The following PCDHGA8 variants were observed in gnomAD, a reference collection of about 807,000 sequenced individuals.
PCDHGA8 encodes protocadherin gamma subfamily A, 8.
A neutral mutation model predicts 59.2 loss-of-function variants in PCDHGA8; 45 were observed. That is an observed-to-expected ratio of 0.76 (90% CI 0.60 to 0.98). The LOEUF is 0.98. Among genes scored for constraint, PCDHGA8 ranks in the 50% least tolerant of loss-of-function variants. PCDHGA8 has a pLI of 0.00. For missense variants in PCDHGA8, 1,257 were observed against 1,196.2 expected (o/e 1.05, Z -0.75); for synonymous variants, 531 against 519.0 (o/e 1.02, Z -0.32).
rs967436443 is a variant in PCDHGA8 at position 141,400,001 on chromosome 5, C to G, written c.2424+4764C>G. On this transcript the variant is annotated intron_variant, in intron 1 of 3. Transcript: ENST00000398604. ...CTGCGCACAGGAGAGGTGCGCACAG[C>G]GCGTGCCTTGGGCGACAGGGACGCG... 5.0e-6 allele frequency: 8 copies of G among 1,612,262 alleles called. No individual in the cohort carries two copies. In the Admixed American group the frequency reaches 5.0e-5, roughly 10 times the overall value.
At chr5:141,414,223 G>C in intron 1 of PCDHGA8, 1 of 1,613,426 alleles carries the variant, frequency 6.2e-7, no homozygotes, top group Non-Finnish European at 8.5e-7. Flanking sequence ...CAACAGTCCA[G>C]AGCTGACCAT....
At chr5:141,482,809 T>C (rs1295469639) in intron 1 of PCDHGA8, among the ~76,000 whole-genome samples, 1 of 152,170 alleles carries the variant, frequency 6.6e-6, no homozygotes, top group Non-Finnish European at 1.5e-5. Flanking sequence ...CGGTGGCTCA[T>C]GCCTGTAATC....
Position 141,464,048 on chromosome 5 carries a change from T to G in PCDHGA8, c.2425-30759T>G, listed in dbSNP as rs377735829. Reference sequence around the variant, plus strand: ...GGGAGGCCAAGGCGGGTGGATCACCTGAGGTCAGGAGTTCAAGGCCAGCCT... The same window carrying G: ...GGGAGGCCAAGGCGGGTGGATCACCGGAGGTCAGGAGTTCAAGGCCAGCCT... On this transcript the variant is annotated intron_variant, in intron 1 of 3. Transcript: ENST00000398604. 1.2e-4 allele frequency among the ~76,000 whole-genome samples: 18 copies of G among 152,260 alleles called. No individual in the cohort carries two copies. In the East Asian group the frequency reaches 3.5e-3, roughly 29 times the overall value.
At chr5:141,402,881 G>T in intron 1 of PCDHGA8, 1 of 1,477,920 alleles carries the variant, frequency 6.8e-7, no homozygotes. Context: ...ATACTTTGCA[G>T]GGTGGAAGAA....
chr5:141,485,737 C>T lies in PCDHGA8; in HGVS notation c.2425-9070C>T. On this transcript the variant is annotated intron_variant, in intron 1 of 3. Coordinates refer to ENST00000398604, the MANE Select transcript of PCDHGA8 (RefSeq NM_032088.2). The surrounding 1 kb of genome is among the most constrained non-coding windows in gnomAD (Gnocchi z 5.7). ...TGGATGTGAAGAAGCGCAGCGACGGCAGCCTGGTCCCAGAGCTGCTCCTGG... is the reference window on the plus strand; with the variant it reads ...TGGATGTGAAGAAGCGCAGCGACGGTAGCCTGGTCCCAGAGCTGCTCCTGG... 6.2e-7 allele frequency: 1 copy of T among 1,614,222 alleles called. No individual in the cohort carries two copies. Among genetic ancestry groups the T allele is most frequent in the Non-Finnish European group, 8.5e-7 (1 of 1,180,036 alleles).
intron 1 of PCDHGA8, chr5:141,428,734 A>G (rs922346225): frequency 1.9e-5 from 3 of 158,252 alleles, no homozygotes; most frequent in Non-Finnish European, 2.8e-5. Context: ...TAAACATATT[A>G]TATCTACTAT....
At position 141,486,691 on chromosome 5, in the gene PCDHGA8, T is replaced by C. The variant is rs778748447; in HGVS notation, c.2425-8116T>C. 8 of 1,614,024 alleles carry C rather than the reference T, an allele frequency of 5.0e-6. No individual in the cohort carries two copies. The highest frequency in any genetic ancestry group is 1.3e-5 in the African/African-American group (1 of 74,922). The stretch of plus-strand genomic sequence containing the variant: ...GGAATCGAGATGTATCAGCTTCCTC[T>C]TTCATCTCTCTGAACCCCCAGACAG... On this transcript the variant is annotated intron_variant, in intron 1 of 3. Coordinates refer to ENST00000398604, the MANE Select transcript of PCDHGA8 (RefSeq NM_032088.2). The surrounding 1 kb of genome is among the most constrained non-coding windows in gnomAD (Gnocchi z 5.0).
intron 1 of PCDHGA8, chr5:141,423,760 G>GGT: frequency 7.2e-6 from 2 of 279,662 alleles, no homozygotes; most frequent in Non-Finnish European, 1.1e-5. Context: ...TGGGGGGGGG[G>GGT]TGGGGCGGCA....
chr5:141,463,975 C>T lies in PCDHGA8; in HGVS notation c.2425-30832C>T, dbSNP rs145316182. Among the ~76,000 whole-genome samples the T allele has an allele frequency of 1.3e-3, 204 of 151,992 alleles. 1 individual carries two copies. Among genetic ancestry groups the T allele is most frequent in the African/African-American group, 4.8e-3 (198 of 41,474 alleles). The stretch of plus-strand genomic sequence containing the variant: ...TTTTTAAAATAGCTTCATAAAACTC[C>T]ATTGTAAAAACCAGGTGCAGTGGCT... On this transcript the variant is annotated intron_variant, in intron 1 of 3. Transcript: ENST00000398604.
At position 141,485,532 on chromosome 5, in the gene PCDHGA8, A is replaced by C. The variant is rs1360942348; in HGVS notation, c.2425-9275A>C. 6.2e-7 allele frequency: 1 copy of C among 1,614,108 alleles called. No individual in the cohort carries two copies. The highest frequency in any genetic ancestry group is 1.7e-5 in the Admixed American group (1 of 60,000). ...GGTCCTTTGGAAATGTACCGAGCAG[A>C]GGTAGAGATCGTAGATGTGAATGAT... On this transcript the variant is annotated intron_variant, in intron 1 of 3. Transcript: ENST00000398604. This position sits in a 1 kb window ranked among gnomAD's most constrained non-coding sequence, Gnocchi z 5.7.
intron 1 of PCDHGA8, among the ~76,000 whole-genome samples, chr5:141,465,995 A>G (rs551920109): frequency 1.4e-3 from 208 of 151,976 alleles, no homozygotes; most frequent in African/African-American, 4.8e-3. Context: ...GGTGGCAGGC[A>G]CCTGTAGTCC....
chr5:141,441,018 TG>T (rs1482478700), intron 1 of PCDHGA8: 1 of 152,164 alleles, frequency 6.6e-6, no homozygotes, highest in Non-Finnish European at 1.5e-5. Context: ...GATCAAATAG[TG>T]GAGAAATGAA....
chr5:141,444,376 G>A (rs977995642), intron 1 of PCDHGA8, among the ~76,000 whole-genome samples: 1 of 151,796 alleles, frequency 6.6e-6, no homozygotes, highest in Non-Finnish European at 1.5e-5. Flanking sequence ...TCTCCATGTT[G>A]GTCAGGCTAG....
chr5:141,395,716 T>C (rs2093303538), intron 1 of PCDHGA8: 1 of 154,332 alleles, frequency 6.5e-6, no homozygotes, highest in Non-Finnish European at 1.4e-5. Context: ...AACTAGGCTC[T>C]TGTAGATTTC....
At chr5:141,462,314 A>C (rs1283684392) in intron 1 of PCDHGA8, among the ~76,000 whole-genome samples, 1 of 152,186 alleles carries the variant, frequency 6.6e-6, no homozygotes, top group Non-Finnish European at 1.5e-5. Flanking sequence ...TATATTTGTC[A>C]CTGATTTCTA....
chr5:141,437,030 A>G (rs1246601314), intron 1 of PCDHGA8, among the ~76,000 whole-genome samples: 1 of 152,248 alleles, frequency 6.6e-6, no homozygotes, highest in Non-Finnish European at 1.5e-5. Context: ...CAGAAAATGG[A>G]TCACCGAAAC....
At position 141,393,789 on chromosome 5, in the gene PCDHGA8, G is replaced by T. The variant is rs889575374; in HGVS notation, c.976G>T (p.Ala326Ser). 6.2e-7 allele frequency: 1 copy of T among 1,613,958 alleles called. No homozygotes were observed. The highest frequency in any genetic ancestry group is 1.3e-5 in the African/African-American group (1 of 75,058). ...EMEIQAEDVG[A>S]LLGRTKLLIS... ...GGAAATACAAGCCGAAGATGTGGGG[G>T]CACTTCTGGGGAGGACCAAATTGCT... Residue 326 changes from alanine (A) to serine (S), a missense_variant, in exon 1 of 4, where the codon GCA becomes TCA. Transcript: ENST00000398604.
intron 1 of PCDHGA8, among the ~76,000 whole-genome samples, chr5:141,481,037 G>A (rs1438691746): frequency 2.0e-5 from 3 of 152,050 alleles, no homozygotes; most frequent in East Asian, 3.9e-4. Context: ...CAGCCTGGGC[G>A]ACAGAGCGAG....
Position 141,491,670 on chromosome 5 carries a change from C to T in PCDHGA8, c.2425-3137C>T. The T allele has an allele frequency of 2.5e-6, 4 of 1,613,768 alleles. No individual in the cohort carries two copies. Among genetic ancestry groups the T allele is most frequent in the South Asian group, 1.1e-5 (1 of 91,082 alleles). On this transcript the variant is annotated intron_variant, in intron 1 of 3. Coordinates refer to ENST00000398604, the MANE Select transcript of PCDHGA8 (RefSeq NM_032088.2). The surrounding 1 kb of genome is among the most constrained non-coding windows in gnomAD (Gnocchi z 6.9). ...CGCTGGAGCCTGACGCCATCCGGTC[C>T]CGCTCTAATACGCTGCGGGAGCGGA...
Sources: gnomAD v4.1 joint callset for allele counts (sites outside exome capture counted in the v4.1 genomes callset) on GRCh38, gnomAD v4.1.1 for gene constraint, Gnocchi (gnomAD v3.1) non-coding constraint, MANE v1.5 for transcripts, NCBI Gene and HGNC (gene_info 2026-07-23, HGNC 2026-07-21) for gene names.